Variants in TSPAN33 observed in about 807,000 individuals in gnomAD.
TSPAN33 encodes the protein tetraspanin-33.
In TSPAN33, 27 loss-of-function variants were observed where a neutral mutation model predicts 34.8. That is an observed-to-expected ratio of 0.78 (90% confidence interval 0.57 to 1.07). TSPAN33 has a LOEUF of 1.07. Among genes scored for constraint, TSPAN33 ranks in the 50% least tolerant of loss-of-function variants. The pLI is 0.00. For missense variants in TSPAN33, 272 were observed against 324.9 expected (o/e 0.84, Z 1.25); for synonymous variants, 119 against 124.2 (o/e 0.96, Z 0.28).
rs1430821407 is a variant in TSPAN33, at chr7:129,148,472, A to AAT, written c.102+3391_102+3392dup. On this transcript the variant is annotated intron_variant, in intron 1 of 7. Transcript: ENST00000486685. This position sits in a 1 kb window ranked among gnomAD's most constrained non-coding sequence, Gnocchi z 4.2. ...TTTGGCATAAATTGGGTGCTTACTG[A>AAT]ATGTTTATTGGATGGTGAGTGAGAG... Among the ~76,000 whole-genome samples the AAT allele has an allele frequency of 6.6e-6, 1 of 152,020 alleles. No homozygotes were observed. Among genetic ancestry groups the AAT allele is most frequent in the Non-Finnish European group, 1.5e-5 (1 of 68,004 alleles).
intron 1 of TSPAN33, among the ~76,000 whole-genome samples, chr7:129,154,696 G>A (rs1277323987): frequency 3.3e-5 from 5 of 152,134 alleles, no homozygotes; most frequent in South Asian, 2.1e-4. Context: ...AGCCGAGATC[G>A]CGCCATTGCA....
chr7:129,160,100 G>A (rs1294146078), intron 1 of TSPAN33, among the ~76,000 whole-genome samples: 3 of 152,198 alleles, frequency 2.0e-5, no homozygotes, highest in South Asian at 2.1e-4. Flanking sequence ...TCTGGAAGAC[G>A]TGGTTTTAGA....
At position 129,165,725 on chromosome 7, in the gene TSPAN33, CATG is replaced by C. The variant is rs1055777989; in HGVS notation, c.460-1048_460-1046del. Among the ~76,000 whole-genome samples the C allele has an allele frequency of 6.6e-6, 1 of 152,058 alleles. No individual in the cohort carries two copies. Among genetic ancestry groups the C allele is most frequent in the Non-Finnish European group, 1.5e-5 (1 of 68,010 alleles). ...AGGAGTTTGAGACTAGCCTGGCCAACATGATGAAACCCTGTTTCCACCAAAAAT... is the reference window on the plus strand; with the variant it reads ...AGGAGTTTGAGACTAGCCTGGCCAACATGAAACCCTGTTTCCACCAAAAAT... On this transcript the variant is annotated intron_variant, in intron 5 of 7. Coordinates refer to ENST00000486685, the MANE Select transcript of TSPAN33 (RefSeq NM_178562.5). The surrounding 1 kb of genome is among the most constrained non-coding windows in gnomAD (Gnocchi z 4.5).
rs895562209 is a variant in TSPAN33, at chr7:129,165,682, G to C, written c.460-1096G>C. 4.6e-5 allele frequency among the ~76,000 whole-genome samples: 7 copies of C among 152,168 alleles called. No homozygotes were observed. The highest frequency in any genetic ancestry group is 1.0e-4 in the Non-Finnish European group (7 of 68,036). Reference sequence around the variant, plus strand: ...CCCAGCACTTTGGGAGGCCAAGGCAGGCAGATCATTTGAGGTCAGGAGTTT... The same window carrying C: ...CCCAGCACTTTGGGAGGCCAAGGCACGCAGATCATTTGAGGTCAGGAGTTT... On this transcript the variant is annotated intron_variant, in intron 5 of 7. Transcript: ENST00000486685. The surrounding 1 kb of genome is among the most constrained non-coding windows in gnomAD (Gnocchi z 4.5).
At chr7:129,154,938 A>G (rs549654221) in intron 1 of TSPAN33, among the ~76,000 whole-genome samples, 5 of 152,336 alleles carry the variant, frequency 3.3e-5, no homozygotes, top group Non-Finnish European at 7.3e-5. Flanking sequence ...AAATGAATAT[A>G]TTGAAGAGAC....
intron 4 of TSPAN33, among the ~76,000 whole-genome samples, chr7:129,163,997 C>T (rs966224252): frequency 6.6e-6 from 1 of 151,902 alleles, no homozygotes; most frequent in African/African-American, 2.4e-5. Context: ...AATCGAGAGC[C>T]ACTGAGTTAA....
intron 1 of TSPAN33, among the ~76,000 whole-genome samples, chr7:129,147,636 T>C (rs1351236330): frequency 6.6e-6 from 1 of 152,206 alleles, no homozygotes; most frequent in Non-Finnish European, 1.5e-5. Flanking sequence ...GAAGCACCTA[T>C]GGATGAGATG....
At chr7:129,157,406 T>C (rs1044686661) in intron 1 of TSPAN33, among the ~76,000 whole-genome samples, 14 of 152,114 alleles carry the variant, frequency 9.2e-5, no homozygotes, top group African/African-American at 3.4e-4. Flanking sequence ...GGTCAAGCTG[T>C]GAAATGCAGA....
intron 1 of TSPAN33, among the ~76,000 whole-genome samples, chr7:129,154,416 A>G (rs1810640470): frequency 6.6e-6 from 1 of 152,100 alleles, no homozygotes; most frequent in Non-Finnish European, 1.5e-5. Flanking sequence ...AACTGTATGC[A>G]AGTGAACCCT....
intron 1 of TSPAN33, among the ~76,000 whole-genome samples, chr7:129,145,436 G>T (rs1810507105): frequency 6.6e-6 from 1 of 152,034 alleles, no homozygotes; most frequent in African/African-American, 2.4e-5. Flanking sequence ...AGGCCTGGGG[G>T]CCTGGAGGCC....
intron 1 of TSPAN33, among the ~76,000 whole-genome samples, chr7:129,147,004 G>A (rs543022220): frequency 6.8e-5 from 10 of 146,192 alleles, no homozygotes; most frequent in Non-Finnish European, 1.5e-4. Flanking sequence ...TCGGACAAAC[G>A]ACTTTGAGAG....
Position 129,167,416 on chromosome 7 carries a change from G to A in TSPAN33, c.606G>A (p.Met202Ile), listed in dbSNP as rs201322484. 1 of 1,614,002 alleles carries A rather than the reference G, an allele frequency of 6.2e-7. No individual in the cohort carries two copies. The highest frequency in any genetic ancestry group is 1.3e-5 in the African/African-American group (1 of 75,064). ...TTCCCCAGGCAGTGATCAACACTAT[G>A]TGTGGCCAAGGTATGCAGGCCTTTG... ...PTPDQAVINT[M>I]CGQGMQAFDY... The change falls in exon 7 of 8, where the codon ATG (methionine) becomes ATA (isoleucine). Residue 202 changes from methionine to isoleucine, a missense_variant. Physicochemically the swap from Met to Ile is conservative, Grantham distance 10. Transcript: ENST00000486685. This position sits in a 1 kb window ranked among gnomAD's most constrained non-coding sequence, Gnocchi z 4.6.
rs750435409 is a variant in TSPAN33, at chr7:129,168,074, C to A, written c.*200C>A. On this transcript the variant is annotated 3_prime_UTR_variant, in exon 8 of 8. Coordinates refer to ENST00000486685, the MANE Select transcript of TSPAN33 (RefSeq NM_178562.5). ...TCAGGAGGATGCGCCTCCTCTCCCC[C>A]ATCCCAGCCCTCAGCATTGTGCCAG... 1.9e-6 allele frequency: 2 copies of A among 1,050,678 alleles called. No homozygotes were observed. The highest frequency in any genetic ancestry group is 2.7e-6 in the Non-Finnish European group (2 of 752,184). 65.1% of individuals were successfully genotyped at this position (1,050,678 alleles called of 1,614,324 possible). A position where few individuals can be genotyped will look rare whatever the true frequency, so the allele number is the denominator to read the frequency against.
chr7:129,161,739 G>A lies in TSPAN33; in HGVS notation c.160+3G>A. 2.5e-6 allele frequency: 4 copies of A among 1,614,120 alleles called. No individual in the cohort carries two copies. Among genetic ancestry groups the A allele is most frequent in the Non-Finnish European group, 3.4e-6 (4 of 1,180,016 alleles). On this transcript the variant is annotated splice_donor_region_variant and intron_variant, in intron 2 of 7. Coordinates refer to ENST00000486685, the MANE Select transcript of TSPAN33 (RefSeq NM_178562.5). Reference sequence around the variant, plus strand: ...CGCTCGGCTAATGAAGCATGCAGGTGAGCTGTAGCTCTCCCTCCCTGCCCC... The same window carrying A: ...CGCTCGGCTAATGAAGCATGCAGGTAAGCTGTAGCTCTCCCTCCCTGCCCC...
chr7:129,167,645 GGTGTCAGGCACT>G lies in TSPAN33; in HGVS notation c.750+87_750+98del. The G allele has an allele frequency of 6.4e-7, 1 of 1,567,226 alleles. No individual in the cohort carries two copies. The highest frequency in any genetic ancestry group is 8.7e-7 in the Non-Finnish European group (1 of 1,146,030). On this transcript the variant is annotated intron_variant, in intron 7 of 7. Transcript: ENST00000486685. The surrounding 1 kb of genome is among the most constrained non-coding windows in gnomAD (Gnocchi z 4.6). ...GGGAAGGCACCTGGGGATCAGCGAG[GGTGTCAGGCACT>G]GACATGGCTGAGGGGTAGGGAAAGG...
chr7:129,166,390 T>G (rs915498421), intron 5 of TSPAN33: 6 of 157,696 alleles, frequency 3.8e-5, no homozygotes, highest in Non-Finnish European at 6.9e-5. Flanking sequence ...CTGTGTTTTC[T>G]CTATCTTAAG....
rs1243168493 is a variant in TSPAN33 at position 129,148,256 on chromosome 7, C to G, written c.102+3174C>G. 6.6e-6 allele frequency among the ~76,000 whole-genome samples: 1 copy of G among 152,214 alleles called. No individual in the cohort carries two copies. Among genetic ancestry groups the G allele is most frequent in the Non-Finnish European group, 1.5e-5 (1 of 68,042 alleles). ...AGCCCAGAAGCTCAGACCTCCAGCC[C>G]CTGTGTCTCAGCCCAGGCTTCCCTA... On this transcript the variant is annotated intron_variant, in intron 1 of 7. Transcript: ENST00000486685. The surrounding 1 kb of genome is among the most constrained non-coding windows in gnomAD (Gnocchi z 4.2).
chr7:129,167,428 T>A lies in TSPAN33; in HGVS notation c.618T>A (p.Gly206=). 1 of 1,614,128 alleles carries A rather than the reference T, an allele frequency of 6.2e-7. No homozygotes were observed. The highest frequency in any genetic ancestry group is 8.5e-7 in the Non-Finnish European group (1 of 1,179,974). ...TGATCAACACTATGTGTGGCCAAGGTATGCAGGCCTTTGACTACTTGGAAG... is the reference window on the plus strand; with the variant it reads ...TGATCAACACTATGTGTGGCCAAGGAATGCAGGCCTTTGACTACTTGGAAG... ...QAVINTMCGQ[G]MQAFDYLEAS... is the part of the protein sequence containing the mutation. Residue 206 remains glycine, a synonymous_variant, in exon 7 of 8, where the codon GGT becomes GGA. Transcript: ENST00000486685. The surrounding 1 kb of genome is among the most constrained non-coding windows in gnomAD (Gnocchi z 4.6).
rs1244094132 is a variant in TSPAN33 at position 129,169,236 on chromosome 7, G to A, written c.*1362G>A. ...CCAGGACCTTCTCCCTGAGTCGGCT[G>A]TAGGGAGGACTCCGAGGAAGCTCGG... On this transcript the variant is annotated 3_prime_UTR_variant, in exon 8 of 8. Coordinates refer to ENST00000486685, the MANE Select transcript of TSPAN33 (RefSeq NM_178562.5). Among the ~76,000 whole-genome samples the A allele has an allele frequency of 1.3e-5, 2 of 152,218 alleles. No homozygotes were observed. The highest frequency in any genetic ancestry group is 3.9e-4 in the East Asian group (2 of 5,194).
Sources: gnomAD v4.1 joint callset for allele counts (sites outside exome capture counted in the v4.1 genomes callset) on GRCh38, gnomAD v4.1.1 for gene constraint, Gnocchi (gnomAD v3.1) non-coding constraint, MANE v1.5 for transcripts, NCBI Gene and HGNC (gene_info 2026-07-23, HGNC 2026-07-21) for gene names.